PDS5A: variants seen among roughly 807,000 people sequenced by gnomAD.
PDS5A encodes sister chromatid cohesion protein PDS5 homolog A.
A neutral mutation model predicts 167.1 loss-of-function variants in PDS5A; 42 were observed. The observed-to-expected ratio is 0.25, with a 90% CI of 0.20 to 0.33. The LOEUF (loss-of-function observed/expected upper bound fraction) is 0.33, where lower values mean the gene tolerates loss of function less well. Among genes scored for constraint, PDS5A ranks in the 10% least tolerant of loss-of-function variants. The pLI, the probability that PDS5A is intolerant of heterozygous loss-of-function variation, is 1.00. For synonymous variants in PDS5A, 553 were observed against 554.6 expected, an observed-to-expected ratio of 1.00 and a Z score of 0.04; for missense variants, 1,033 against 1,605.9, an observed-to-expected ratio of 0.64 and a Z score of 6.10.
At chr4:39,885,062 A>G (rs938785925) in intron 17 of PDS5A, among the ~76,000 whole-genome samples, 4 of 152,020 alleles carry the variant, frequency 2.6e-5, no homozygotes, top group Admixed American at 6.6e-5. Flanking sequence ...CAGGAGCTCG[A>G]GACCAGCCTG....
At position 39,926,074 on chromosome 4, in the gene PDS5A, A is replaced by C. The variant is rs1004942867; in HGVS notation, c.430-141T>G. The C allele has an allele frequency of 3.8e-5, 12 of 319,152 alleles. No homozygotes were observed. In the Admixed American group the frequency reaches 5.3e-4, roughly 14 times the overall value. 19.8% of individuals were successfully genotyped at this position (319,152 alleles called of 1,614,324 possible). ...CTCAACATATAAAATTTTAAGTGTT[A>C]ATCACATATTCTGACCTTGAAAAAG... On this transcript the variant is annotated intron_variant, in intron 4 of 32. Transcript: ENST00000303538.
chr4:39,935,444 G>T (rs1726505856), intron 2 of PDS5A, among the ~76,000 whole-genome samples: 1 of 152,180 alleles, frequency 6.6e-6, no homozygotes, highest in South Asian at 2.1e-4. Context: ...GTTTTTATAT[G>T]TATGTCTATA....
At chr4:39,951,200 T>C (rs923717994) in intron 2 of PDS5A, among the ~76,000 whole-genome samples, 1 of 152,210 alleles carries the variant, frequency 6.6e-6, no homozygotes, top group Admixed American at 6.5e-5. Flanking sequence ...GCCTCTGTTC[T>C]GCCTCTTAAT....
chr4:39,905,462 G>A (rs894359269), intron 11 of PDS5A, among the ~76,000 whole-genome samples: 37 of 152,188 alleles, frequency 2.4e-4, no homozygotes, highest in African/African-American at 8.2e-4. Flanking sequence ...GGAGGCTGAG[G>A]CAGGGAAATC....
chr4:39,848,653 G>A, intron 28 of PDS5A, 198 bp downstream of exon 28: 1 of 512,504 alleles, frequency 2.0e-6, no homozygotes, highest in Non-Finnish European at 3.4e-6. Context: ...ATAAACATAA[G>A]ATCAACAGTA....
At position 39,872,979 on chromosome 4, in the gene PDS5A, A is replaced by G; in HGVS notation, c.2436+7T>C. On this transcript the variant is annotated splice_region_variant and intron_variant, in intron 21 of 32. Transcript: ENST00000303538. ...TGATTCTCAATTTAATTAAATGAGA[A>G]ACTTACCCTGTCATTCATTAGCAGA... 6.9e-7 allele frequency: 1 copy of G among 1,459,182 alleles called. No individual in the cohort carries two copies. The highest frequency in any genetic ancestry group is 9.3e-7 in the Non-Finnish European group (1 of 1,080,344). The allele number at this position is 1,459,182 out of a possible 1,614,324, so 90.4% of individuals were successfully genotyped here. A position where few individuals can be genotyped will look rare whatever the true frequency, so the allele number is the denominator to read the frequency against.
intron 3 of PDS5A, 22 bp downstream of exon 3, chr4:39,927,939 A>C (rs774867925): frequency 1.3e-6 from 2 of 1,534,458 alleles, no homozygotes; most frequent in Non-Finnish European, 1.8e-6. Flanking sequence ...AAATACAATA[A>C]AGTGAAAAAG....
At chr4:39,893,516 G>A (rs971231510) in intron 16 of PDS5A, among the ~76,000 whole-genome samples, 1 of 152,138 alleles carries the variant, frequency 6.6e-6, no homozygotes, top group African/African-American at 2.4e-5. Context: ...TGACAAATAC[G>A]CATTAGGGTA....
At position 39,903,006 on chromosome 4, in the gene PDS5A, T is replaced by C. The variant is rs574782327; in HGVS notation, c.1386-546A>G. Reference sequence around the variant, plus strand: ...TTATAATTTGTCAGTATGAAACATTTGTTCTAGAAGGTTTAAATGTTATTC... The same window carrying C: ...TTATAATTTGTCAGTATGAAACATTCGTTCTAGAAGGTTTAAATGTTATTC... On this transcript the variant is annotated intron_variant, in intron 12 of 32. Coordinates refer to ENST00000303538, the MANE Select transcript of PDS5A (RefSeq NM_001100399.2). Among the ~76,000 whole-genome samples, 4 of 152,378 alleles carry C rather than the reference T, an allele frequency of 2.6e-5. No homozygotes were observed. In the East Asian group the frequency reaches 7.7e-4, roughly 29 times the overall value.
At chr4:39,949,416 C>T (rs1484526808) in intron 2 of PDS5A, among the ~76,000 whole-genome samples, 1 of 151,514 alleles carries the variant, frequency 6.6e-6, no homozygotes, top group Non-Finnish European at 1.5e-5. Context: ...ATGAAATGTC[C>T]AGATCGGGGA....
chr4:39,966,255 G>A (rs1729956993), intron 2 of PDS5A, among the ~76,000 whole-genome samples: 1 of 152,030 alleles, frequency 6.6e-6, no homozygotes, highest in South Asian at 2.1e-4. Context: ...TAGCAATGAG[G>A]GATAAATAAA....
chr4:39,862,744 A>T, intron 25 of PDS5A, 125 bp downstream of exon 25: 2 of 637,410 alleles, frequency 3.1e-6, no homozygotes, highest in East Asian at 2.7e-5. Flanking sequence ...CTACAATGAC[A>T]GCATTCTATA....
chr4:39,921,583 TA>T (rs375091298), intron 6 of PDS5A, among the ~76,000 whole-genome samples: 21,198 of 86,822 alleles, frequency 0.24, 1,922 homozygotes, highest in Middle Eastern at 0.38. Flanking sequence ...AAAGAAAACT[TA>T]AAAAAAAAAA....
rs187113072 is a variant in PDS5A, at chr4:39,953,347, G to A, written c.138+23093C>T. 2.8e-4 allele frequency among the ~76,000 whole-genome samples: 42 copies of A among 152,148 alleles called. 1 individual carries two copies. Among genetic ancestry groups the A allele is most frequent in the Admixed American group, 2.7e-3 (42 of 15,278 alleles). ...CCTAGGTTGTTGGTATGAAATAAGG[G>A]CAGGGGGAACTATTTCTGGAGCTCA... On this transcript the variant is annotated intron_variant, in intron 2 of 32. Transcript: ENST00000303538.
Position 39,849,554 on chromosome 4 carries a change from T to A in PDS5A, c.3185A>T (p.Asp1062Val). 1 of 1,611,538 alleles carries A rather than the reference T, an allele frequency of 6.2e-7. No homozygotes were observed. The highest frequency in any genetic ancestry group is 8.5e-7 in the Non-Finnish European group (1 of 1,177,946). ...CTTGGATTCATCTGGAGACTGGGCA[T>A]CTCTGGTTAACTTGATGTTCTCTGC... The part of the protein sequence containing the change: ...KMAENIKLTR[D>V]AQSPDESKTN... The change falls in exon 27 of 33, where the codon GAT becomes GTT. Residue 1062 changes from aspartate to valine, a missense_variant. Physicochemically the swap from Asp to Val is radical, Grantham distance 152 (BLOSUM62 -3). Transcript: ENST00000303538.
chr4:39,875,245 A>G (rs1720362970), intron 19 of PDS5A, among the ~76,000 whole-genome samples: 2 of 152,202 alleles, frequency 1.3e-5, no homozygotes, highest in Admixed American at 1.3e-4. Flanking sequence ...TAGAATGAAG[A>G]AAATAGTGTG....
chr4:39,849,100 A>G (rs542812898), intron 27 of PDS5A, 130 bp from the exon 28 acceptor site: 12 of 700,058 alleles, frequency 1.7e-5, no homozygotes, highest in African/African-American at 1.4e-4. Context: ...TGAACATTCC[A>G]TATTTCTGTT....
Position 39,925,953 on chromosome 4 carries a change from T to C in PDS5A, c.430-20A>G. On this transcript the variant is annotated intron_variant, in intron 4 of 32. Coordinates refer to ENST00000303538, the MANE Select transcript of PDS5A (RefSeq NM_001100399.2). ...TAAATTCTTAAATAAATAAAAATAA[T>C]TATTGAATTATACATATATACAGAA... is the stretch of plus-strand genomic sequence containing the variant. 1.2e-6 allele frequency: 1 copy of C among 865,516 alleles called. No individual in the cohort carries two copies. Among genetic ancestry groups the C allele is most frequent in the Non-Finnish European group, 1.7e-6 (1 of 583,120 alleles). The allele number at this position is 865,516 out of a possible 1,614,324, so 53.6% of individuals were successfully genotyped here.
At chr4:39,913,243 C>T (rs1420936393) in intron 9 of PDS5A, among the ~76,000 whole-genome samples, 1 of 152,010 alleles carries the variant, frequency 6.6e-6, no homozygotes, top group Non-Finnish European at 1.5e-5. Context: ...GGTCACCACC[C>T]CTGGTTAATT....
Sources: allele counts gnomAD v4.1 joint callset (sites outside exome capture counted in the v4.1 genomes callset), GRCh38; gene constraint gnomAD v4.1.1; transcripts MANE v1.5; gene names NCBI Gene and HGNC (gene_info 2026-07-23, HGNC 2026-07-21).